Variants in ATXN1 observed in about 807,000 individuals in gnomAD.
ATXN1 encodes the protein ataxin-1.
ATXN1 carries 8 observed loss-of-function variants against 56.4 expected under a neutral mutation model. The ratio of observed to expected loss-of-function variants is 0.14; its 90% CI spans 0.08 to 0.26. ATXN1 has a LOEUF of 0.26. ATXN1 is among the 10% of genes least tolerant of loss of function. The probability of loss-of-function intolerance (pLI) is 1.00; values close to 1 mark genes in which losing one functional copy is unlikely to be tolerated. For synonymous variants in ATXN1, 514 were observed against 494.6 expected (o/e 1.04, Z -0.52); for missense variants, 987 against 1,106.5 (o/e 0.89, Z 1.53).
At chr6:16,416,998 ATTT>A (rs1237367210) in intron 6 of ATXN1, among the ~76,000 whole-genome samples, 4 of 152,130 alleles carry the variant, frequency 2.6e-5, no homozygotes, top group Non-Finnish European at 5.9e-5. Context: ...ACCCTACAAT[ATTT>A]CTAATGTTTT....
At chr6:16,477,143 T>C (rs904987106) in intron 6 of ATXN1, among the ~76,000 whole-genome samples, 2 of 152,222 alleles carry the variant, frequency 1.3e-5, no homozygotes, top group Admixed American at 6.5e-5. Flanking sequence ...TTGAGTCTCT[T>C]TCTTCGTGAA....
chr6:16,602,534 C>G (rs1006531686), intron 3 of ATXN1, among the ~76,000 whole-genome samples: 2 of 151,834 alleles, frequency 1.3e-5, no homozygotes, highest in African/African-American at 4.8e-5. Flanking sequence ...TCACTGCAAC[C>G]TTCGCCTCCT....
intron 6 of ATXN1, among the ~76,000 whole-genome samples, chr6:16,484,961 G>A (rs890950367): frequency 1.7e-4 from 20 of 118,124 alleles, no homozygotes; most frequent in African/African-American, 5.3e-4. Flanking sequence ...GTGTGTGTGT[G>A]TGTGTGTGTG....
At chr6:16,503,364 C>T (rs1451336891) in intron 5 of ATXN1, among the ~76,000 whole-genome samples, 2 of 152,188 alleles carry the variant, frequency 1.3e-5, no homozygotes, top group African/African-American at 4.8e-5. Context: ...CTCCTGGCCT[C>T]ATGACAAGTT....
At position 16,389,207 on chromosome 6, in the gene ATXN1, C is replaced by G. The variant is rs532304269; in HGVS notation, c.-160-60737G>C. 6.6e-5 allele frequency among the ~76,000 whole-genome samples: 10 copies of G among 152,148 alleles called. No homozygotes were observed. In the East Asian group the frequency reaches 1.7e-3, roughly 26 times the overall value. On this transcript the variant is annotated intron_variant, in intron 6 of 7. Transcript: ENST00000436367. ...CAAAAATTAGCCGGGCGTGGTGGCA[C>G]GCGCCTGTCATCTCAGCTACTCGGG... is the stretch of plus-strand genomic sequence containing the variant.
At chr6:16,415,396 T>C (rs1007851875) in intron 6 of ATXN1, among the ~76,000 whole-genome samples, 2 of 152,076 alleles carry the variant, frequency 1.3e-5, no homozygotes, top group Non-Finnish European at 2.9e-5. Context: ...GCCCGGCTAA[T>C]TTTTTGTATT....
At chr6:16,528,300 C>CAAA (rs375416081) in intron 4 of ATXN1, among the ~76,000 whole-genome samples, 1 of 74,462 alleles carries the variant, frequency 1.3e-5, no homozygotes. Flanking sequence ...GACTCCCTCT[C>CAAA]AAAAAAAAAA....
intron 6 of ATXN1, among the ~76,000 whole-genome samples, chr6:16,469,738 C>A (rs1050010190): frequency 6.6e-6 from 1 of 152,064 alleles, no homozygotes; most frequent in African/African-American, 2.4e-5. Context: ...CCGAGGCAGG[C>A]AGATCACCTG....
At chr6:16,688,984 C>A (rs1048454370) in intron 2 of ATXN1, among the ~76,000 whole-genome samples, 1 of 151,574 alleles carries the variant, frequency 6.6e-6, no homozygotes, top group Non-Finnish European at 1.5e-5. Flanking sequence ...TGTGTATGTA[C>A]ATATATAGTA....
chr6:16,608,107 C>T (rs1038424129), intron 3 of ATXN1, among the ~76,000 whole-genome samples: 14 of 152,222 alleles, frequency 9.2e-5, no homozygotes, highest in African/African-American at 2.9e-4. Flanking sequence ...TACCTGCAAG[C>T]CTCAGCTTTA....
At chr6:16,402,242 G>GTTTTTTTTTTTTTTTTTTT (rs58048762) in intron 6 of ATXN1, among the ~76,000 whole-genome samples, 1 of 62,118 alleles carries the variant, frequency 1.6e-5, no homozygotes, top group Non-Finnish European at 2.9e-5. Context: ...ACCACTGACA[G>GTTTTTTTTTTTTTTTTTTT]TTTTTTTTTT....
At chr6:16,739,356 C>T (rs1760253546) in intron 2 of ATXN1, 1 of 154,486 alleles carries the variant, frequency 6.5e-6, no homozygotes, top group South Asian at 2.0e-4. Flanking sequence ...CTACACAAAA[C>T]CAATCACTTG....
intron 6 of ATXN1, among the ~76,000 whole-genome samples, chr6:16,347,756 G>C (rs1057215814): frequency 6.6e-6 from 1 of 152,176 alleles, no homozygotes; most frequent in Non-Finnish European, 1.5e-5. Context: ...AGACCACTGG[G>C]CTCTCTGTAA....
At chr6:16,549,383 C>T (rs773637940) in intron 4 of ATXN1, among the ~76,000 whole-genome samples, 1 of 152,144 alleles carries the variant, frequency 6.6e-6, no homozygotes, top group Non-Finnish European at 1.5e-5. Flanking sequence ...ATGGCTACAA[C>T]ATTACTAGGC....
intron 6 of ATXN1, among the ~76,000 whole-genome samples, chr6:16,395,987 C>T (rs1449082276): frequency 7.3e-6 from 1 of 137,734 alleles, no homozygotes; most frequent in East Asian, 2.3e-4. Flanking sequence ...TGCACTCCAG[C>T]CTGGTGACAG....
intron 6 of ATXN1, among the ~76,000 whole-genome samples, chr6:16,338,524 T>C (rs1266942250): frequency 6.6e-6 from 1 of 152,222 alleles, no homozygotes; most frequent in Non-Finnish European, 1.5e-5. Context: ...CTTGCGATTA[T>C]ACATGTGCCC....
chr6:16,722,503 C>A (rs1759765019), intron 2 of ATXN1, among the ~76,000 whole-genome samples: 2 of 152,174 alleles, frequency 1.3e-5, no homozygotes, highest in Admixed American at 1.3e-4. Flanking sequence ...TATCTCCCCC[C>A]ACCTGCCCCA....
At chr6:16,687,844 G>A (rs1168285014) in intron 2 of ATXN1, among the ~76,000 whole-genome samples, 1 of 152,110 alleles carries the variant, frequency 6.6e-6, no homozygotes, top group Non-Finnish European at 1.5e-5. Context: ...CACCAAAGCT[G>A]TATAAAATCA....
At chr6:16,581,953 A>G (rs1031773063) in intron 4 of ATXN1, among the ~76,000 whole-genome samples, 2 of 152,230 alleles carry the variant, frequency 1.3e-5, no homozygotes, top group African/African-American at 2.4e-5. Context: ...TGGATTGTCA[A>G]TAAGATGCAT....
Sources: allele counts gnomAD v4.1 joint callset (sites outside exome capture counted in the v4.1 genomes callset), GRCh38; gene constraint gnomAD v4.1.1; transcripts MANE v1.5; gene names NCBI Gene and HGNC (gene_info 2026-07-23, HGNC 2026-07-21).